USP35: variants seen among roughly 807,000 people sequenced by gnomAD.
USP35 encodes the protein ubiquitin carboxyl-terminal hydrolase 35.
In USP35, 69 loss-of-function variants were observed where a neutral mutation model predicts 83.8. That is an observed-to-expected ratio of 0.82 (90% CI 0.68 to 1.01). The LOEUF is 1.01. Ranked by LOEUF, USP35 falls within the 50% of genes least tolerant of loss-of-function variation. The pLI, the probability that USP35 is intolerant of heterozygous loss-of-function variation, is 0.00. For missense variants in USP35, 1,503 were observed against 1,362.5 expected (o/e 1.10, Z -1.62); for synonymous variants, 714 against 589.5 (o/e 1.21, Z -3.06).
chr11:78,195,058 A>G (rs1374125729), intron 1 of USP35, among the ~76,000 whole-genome samples: 1 of 152,170 alleles, frequency 6.6e-6, no homozygotes, highest in Non-Finnish European at 1.5e-5. Flanking sequence ...ACGGTGAGCC[A>G]AGGGTGACAG....
chr11:78,199,561 C>T (rs1863270909), intron 3 of USP35, 34 bp from the exon 4 acceptor site: 2 of 1,613,838 alleles, frequency 1.2e-6, no homozygotes, highest in Non-Finnish European at 1.7e-6. Context: ...TTGGGTGTCC[C>T]TTGTCCCTGT....
In USP35 at chr11:78,214,490, A is replaced by G. The variant is rs1454828673; in HGVS notation, c.*677A>G. On this transcript the variant is annotated 3_prime_UTR_variant, in exon 11 of 11. Coordinates refer to ENST00000529308, the MANE Select transcript of USP35 (RefSeq NM_020798.4). ...CACCACTTGTATCCCCCTTGTGGTT[A>G]GAGTCCTGATTTTACTGCAAAGGTG... 1 of 138,586 alleles carries G rather than the reference A, an allele frequency of 7.2e-6. No individual in the cohort carries two copies. Among genetic ancestry groups the G allele is most frequent in the Non-Finnish European group, 1.5e-5 (1 of 65,638 alleles). 8.6% of individuals were successfully genotyped at this position (138,586 alleles called of 1,614,324 possible).
chr11:78,193,620 C>G (rs1025897846), intron 1 of USP35, among the ~76,000 whole-genome samples: 1 of 152,170 alleles, frequency 6.6e-6, no homozygotes, highest in African/African-American at 2.4e-5. Context: ...AAGGCAAGGA[C>G]TTTGCTTCTG....
the USP35 span, chr11:78,226,851 G>T: frequency 6.2e-7 from 1 of 1,614,022 alleles, no homozygotes; most frequent in Non-Finnish European, 8.5e-7. Flanking sequence ...GTGGCCATGG[G>T]AGGCCAGGCT....
chr11:78,236,938 G>A, the USP35 span, among the ~76,000 whole-genome samples: 1 of 152,088 alleles, frequency 6.6e-6, no homozygotes, highest in Non-Finnish European at 1.5e-5. Flanking sequence ...AGTTGGATTC[G>A]ACTGCTAATC....
downstream of USP35, among the ~76,000 whole-genome samples, chr11:78,220,019 T>TCA (rs997603494): frequency 2.0e-5 from 3 of 152,140 alleles, no homozygotes; most frequent in Non-Finnish European, 4.4e-5. Flanking sequence ...TGTTGCTGAT[T>TCA]CACTTTGTAA....
At chr11:78,227,198 T>C in the USP35 span, 2 of 631,972 alleles carry the variant, frequency 3.2e-6, no homozygotes, top group Non-Finnish European at 5.6e-6. Context: ...GTTCAGACTC[T>C]AGTATATGAA....
the USP35 span, chr11:78,223,585 A>G: frequency 2.5e-6 from 4 of 1,613,738 alleles, no homozygotes; most frequent in South Asian, 1.1e-5. Context: ...TGCTCGTTCC[A>G]TGGCCAACAG....
chr11:78,233,953 AT>A, the USP35 span, among the ~76,000 whole-genome samples: 1 of 152,136 alleles, frequency 6.6e-6, no homozygotes, highest in Non-Finnish European at 1.5e-5. Flanking sequence ...ACTAGTTTTA[AT>A]TTTGATAAAG....
At chr11:78,197,765 G>A (rs1351909912) in intron 2 of USP35, among the ~76,000 whole-genome samples, 171 bp from the exon 3 acceptor site, 1 of 152,226 alleles carries the variant, frequency 6.6e-6, no homozygotes, top group African/African-American at 2.4e-5. Flanking sequence ...AAGGTTTGTT[G>A]AGTGAGTTTA....
rs142225904 is a variant in USP35, at chr11:78,205,784, G to T, written c.1198-58G>T. The T allele has an allele frequency of 1.8e-3, 2,855 of 1,553,118 alleles. 27 individuals are homozygous for T. The African/African-American group carries it at 0.033, about 18-fold the overall frequency. Reference sequence around the variant, plus strand: ...AGAAGGCCTCCCAGAAGAGGTGGTAGTTTTTTGAGCTGACCCTGGTGCCCA... The same window carrying T: ...AGAAGGCCTCCCAGAAGAGGTGGTATTTTTTTGAGCTGACCCTGGTGCCCA... On this transcript the variant is annotated intron_variant, in intron 6 of 10. Coordinates refer to ENST00000529308, the MANE Select transcript of USP35 (RefSeq NM_020798.4).
At chr11:78,226,528 C>T in the USP35 span, 2 of 1,603,648 alleles carry the variant, frequency 1.2e-6, no homozygotes, top group Non-Finnish European at 1.7e-6. Context: ...GTGGCAGCGA[C>T]AGATCTGCTA....
At chr11:78,191,913 G>A (rs934218752) in intron 1 of USP35, among the ~76,000 whole-genome samples, 72 of 147,824 alleles carry the variant, frequency 4.9e-4, no homozygotes, top group African/African-American at 1.7e-3. Flanking sequence ...GCATGATCTC[G>A]GCTCACTGCA....
intron 6 of USP35, among the ~76,000 whole-genome samples, chr11:78,203,496 T>C (rs1281724156): frequency 6.6e-6 from 1 of 152,216 alleles, no homozygotes; most frequent in South Asian, 2.1e-4. Context: ...TGACATGAGC[T>C]CTGAGTTTGT....
chr11:78,188,958 C>T lies in USP35; in HGVS notation c.-210C>T. 1 of 985,644 alleles carries T rather than the reference C, an allele frequency of 1.0e-6. No homozygotes were observed. Among genetic ancestry groups the T allele is most frequent in the Non-Finnish European group, 1.2e-6 (1 of 830,078 alleles). 61.1% of individuals were successfully genotyped at this position (985,644 alleles called of 1,614,324 possible). Reference sequence around the variant, plus strand: ...GCCGCAGAGTCGGGCTTCCTGGATACATAGAGGCTTGTGCCAGGCGGGGTG... The same window carrying T: ...GCCGCAGAGTCGGGCTTCCTGGATATATAGAGGCTTGTGCCAGGCGGGGTG... On this transcript the variant is annotated 5_prime_UTR_variant, in exon 1 of 11. Transcript: ENST00000529308.
intron 9 of USP35, 122 bp from the exon 10 acceptor site, chr11:78,209,326 C>CA: frequency 9.5e-7 from 1 of 1,050,158 alleles, no homozygotes; most frequent in Non-Finnish European, 1.4e-6. Context: ...TTGGTGTGTG[C>CA]ATGTGTGTTT....
intron 1 of USP35, among the ~76,000 whole-genome samples, chr11:78,190,499 C>G (rs182563543): frequency 1.3e-5 from 2 of 152,328 alleles, no homozygotes; most frequent in East Asian, 3.9e-4. Flanking sequence ...ATCTTGCTGT[C>G]ACATGTCTCT....
chr11:78,227,554 G>A, the USP35 span, among the ~76,000 whole-genome samples: 1 of 151,550 alleles, frequency 6.6e-6, no homozygotes, highest in Non-Finnish European at 1.5e-5. Context: ...CTGCACTTTG[G>A]GAGGCTGAGG....
intron 1 of USP35, among the ~76,000 whole-genome samples, chr11:78,195,006 G>A (rs1262470240): frequency 2.0e-5 from 3 of 152,202 alleles, no homozygotes; most frequent in African/African-American, 7.2e-5. Flanking sequence ...GGTCTGCAGG[G>A]GGAGGGAAGA....
Sources: gnomAD v4.1 joint callset for allele counts (sites outside exome capture counted in the v4.1 genomes callset) on GRCh38, gnomAD v4.1.1 for gene constraint, MANE v1.5 for transcripts, NCBI Gene and HGNC (gene_info 2026-07-23, HGNC 2026-07-21) for gene names.